Variants in COX7A2L observed in about 807,000 individuals in gnomAD.
COX7A2L encodes cytochrome c oxidase subunit 7A2 like, also known as cytochrome c oxidase subunit 7A2-like, mitochondrial.
In COX7A2L, 18 loss-of-function variants were observed where a neutral mutation model predicts 14.2. The observed-to-expected ratio is 1.27, with a 90% CI of 0.88 to 1.88. COX7A2L has a LOEUF of 1.88. Ranked by LOEUF, COX7A2L falls within the 40% of genes most tolerant of loss-of-function variation. The pLI, the probability that COX7A2L is intolerant of heterozygous loss-of-function variation, is 0.00. For missense variants in COX7A2L, 179 were observed against 138.8 expected (o/e 1.29, Z -1.46); for synonymous variants, 65 against 57.4 (o/e 1.13, Z -0.60).
At chr2:42,348,743 C>G (rs1278882300), downstream of COX7A2L, among the ~76,000 whole-genome samples, 1 of 151,946 alleles carries the variant, frequency 6.6e-6, no homozygotes, top group Non-Finnish European at 1.5e-5. Context: ...ATGGTGAAAC[C>G]CCATCTCTAC....
chr2:42,351,700 G>A (rs984682019), intron 2 of COX7A2L, among the ~76,000 whole-genome samples: 10 of 152,210 alleles, frequency 6.6e-5, no homozygotes, highest in African/African-American at 1.9e-4. Flanking sequence ...GAGGCTGGGC[G>A]CGGTGGCTCA....
At chr2:42,348,421 A>T (rs1284011759), downstream of COX7A2L, among the ~76,000 whole-genome samples, 1 of 152,200 alleles carries the variant, frequency 6.6e-6, no homozygotes, top group Non-Finnish European at 1.5e-5. Flanking sequence ...ACAAACTGGT[A>T]TCAAGTGCCA....
chr2:42,360,516 G>A (rs549047599), intron 1 of COX7A2L, among the ~76,000 whole-genome samples: 59 of 152,284 alleles, frequency 3.9e-4, no homozygotes, highest in African/African-American at 1.4e-3. Context: ...ACGAGCATCT[G>A]TCAAATATTT....
chr2:42,357,054 G>A (rs1271491084), intron 1 of COX7A2L, among the ~76,000 whole-genome samples: 2 of 152,170 alleles, frequency 1.3e-5, no homozygotes, highest in Non-Finnish European at 2.9e-5. Context: ...CCTTAACCAC[G>A]TTTAGTAATT....
At chr2:42,343,982 GA>G (rs1020039137) in intron 2 of COX7A2L, among the ~76,000 whole-genome samples, 2 of 152,194 alleles carry the variant, frequency 1.3e-5, no homozygotes, top group African/African-American at 4.8e-5. Context: ...CCCTGAAAGG[GA>G]ATCTGGCTGA....
intron 2 of COX7A2L, among the ~76,000 whole-genome samples, chr2:42,343,549 C>T (rs1303785081): frequency 1.3e-5 from 2 of 152,162 alleles, no homozygotes; most frequent in African/African-American, 4.8e-5. Flanking sequence ...TCAGCCAACC[C>T]GACATGGGCA....
intron 1 of COX7A2L, among the ~76,000 whole-genome samples, chr2:42,354,631 C>G (rs1444590328): frequency 6.6e-6 from 1 of 152,190 alleles, no homozygotes; most frequent in African/African-American, 2.4e-5. Context: ...CAGGCAAGCA[C>G]TAGATGAACA....
chr2:42,353,434 C>T, intron 1 of COX7A2L, 91 bp from the exon 2 acceptor site: 1 of 1,516,410 alleles, frequency 6.6e-7, no homozygotes, highest in Non-Finnish European at 9.0e-7. Context: ...TACGAGAGAG[C>T]AAGAAAGTCT....
rs1572781661 is a variant in COX7A2L, at chr2:42,338,455, G to C, written c.193-4586C>G. The stretch of plus-strand genomic sequence containing the variant: ...CTTTCTCCGAGAGCGACAGGCCCCA[G>C]CTATGCTGGCAAGATCTGTGTTGAT... On this transcript the variant is annotated intron_variant, in intron 2 of 2. Coordinates refer to the COX7A2L transcript ENST00000468711. The surrounding 1 kb of genome is among the most constrained non-coding windows in gnomAD (Gnocchi z 4.4). Among the ~76,000 whole-genome samples, 2 of 152,326 alleles carry C rather than the reference G, an allele frequency of 1.3e-5. No individual in the cohort carries two copies. The highest frequency in any genetic ancestry group is 2.4e-5 in the African/African-American group (1 of 41,570).
At position 42,349,817 on chromosome 2, in the gene COX7A2L, TATC is replaced by T. The variant is rs1364721720; in HGVS notation, c.*1399_*1401del. On this transcript the variant is annotated 3_prime_UTR_variant, in exon 3 of 3. Coordinates refer to ENST00000234301, the MANE Select transcript of COX7A2L (RefSeq NM_004718.4). ...ACCTGCTAAAGTACTATGGCTGATT[TATC>T]ATAATTCCCTAACAATCTTAAATGA... The T allele has an allele frequency of 6.6e-6, 1 of 152,192 alleles. No individual in the cohort carries two copies. The highest frequency in any genetic ancestry group is 1.5e-5 in the Non-Finnish European group (1 of 68,036). 9.4% of individuals were successfully genotyped at this position (152,192 alleles called of 1,614,324 possible).
chr2:42,355,896 T>G (rs1412472111), intron 1 of COX7A2L, among the ~76,000 whole-genome samples: 2 of 152,066 alleles, frequency 1.3e-5, no homozygotes, highest in African/African-American at 4.8e-5. Context: ...CAGCTAATTT[T>G]TGTATTTTTC....
downstream of COX7A2L, among the ~76,000 whole-genome samples, chr2:42,346,691 T>G (rs1258890506): frequency 6.6e-6 from 1 of 150,922 alleles, no homozygotes; most frequent in Non-Finnish European, 1.5e-5. Context: ...GCCCAGGAGG[T>G]CAAGACTACA....
intron 1 of COX7A2L, among the ~76,000 whole-genome samples, chr2:42,358,751 A>G (rs1001330089): frequency 6.6e-6 from 1 of 152,212 alleles, no homozygotes; most frequent in Non-Finnish European, 1.5e-5. Context: ...CTGAGCGCCC[A>G]TTTTATTACA....
At chr2:42,337,654 G>C (rs1670310711) in intron 2 of COX7A2L, among the ~76,000 whole-genome samples, 2 of 152,154 alleles carry the variant, frequency 1.3e-5, no homozygotes, top group Admixed American at 6.5e-5. Flanking sequence ...GTCTCATATA[G>C]TTAACGTAAG....
chr2:42,351,313 TG>T lies in COX7A2L; in HGVS notation c.250del (p.Gln84LysfsTer10), dbSNP rs1217808142. The T allele has an allele frequency of 6.2e-7, 1 of 1,614,126 alleles. No homozygotes were observed. The highest frequency in any genetic ancestry group is 1.7e-5 in the Admixed American group (1 of 60,018). On this transcript the variant is annotated frameshift_variant, in exon 3 of 3. Transcript: ENST00000234301. LOFTEE classifies it high-confidence loss of function. ...CGCCATGGTGGTCCGGTAAAGCATT[TG>T]GTCAGGCAGGCCTCGTTTCAGGTAG... ...PVYLKRGLPD[Q>X]MLYRTTMALT...
intron 1 of COX7A2L, chr2:42,360,184 G>C (rs1670976232): frequency 6.6e-6 from 1 of 152,264 alleles, no homozygotes; most frequent in Non-Finnish European, 1.5e-5. Flanking sequence ...CACTTCTCTA[G>C]AGGATTAGGA....
At chr2:42,366,411 G>A (rs1671166625) in intron 1 of COX7A2L, among the ~76,000 whole-genome samples, 1 of 152,176 alleles carries the variant, frequency 6.6e-6, no homozygotes, top group Non-Finnish European at 1.5e-5. Context: ...GTGACAGAAT[G>A]AGACCCTGTC....
chr2:42,356,091 G>C (rs1002909128), intron 1 of COX7A2L, among the ~76,000 whole-genome samples: 5 of 151,980 alleles, frequency 3.3e-5, no homozygotes, highest in Non-Finnish European at 7.4e-5. Flanking sequence ...GTGCAGTGGC[G>C]TGATCCTGGC....
At chr2:42,361,239 T>C (rs1375343843), upstream of COX7A2L, 1 of 1,386,030 alleles carries the variant, frequency 7.2e-7, no homozygotes, top group African/African-American at 1.4e-5. Flanking sequence ...CCGGCTGTGG[T>C]CCCGAGACTC....
Sources: allele counts gnomAD v4.1 joint callset (sites outside exome capture counted in the v4.1 genomes callset), GRCh38; gene constraint gnomAD v4.1.1; non-coding constraint Gnocchi (gnomAD v3.1); transcripts MANE v1.5; gene names NCBI Gene and HGNC (gene_info 2026-07-23, HGNC 2026-07-21).